The following ZNF577 variants were observed in gnomAD, a reference collection of about 807,000 sequenced individuals.
ZNF577 encodes zinc finger protein 577.
In ZNF577, 14 loss-of-function variants were observed where a neutral mutation model predicts 13.9. The observed-to-expected ratio is 1.00, with a 90% CI of 0.66 to 1.57. ZNF577 has a LOEUF of 1.57. Among genes scored for constraint, ZNF577 ranks in the 40% most tolerant of loss-of-function variants. The pLI is 0.00. For synonymous variants in ZNF577, 203 were observed against 202.9 expected, an observed-to-expected ratio of 1.00 and a Z score of 0.00; for missense variants, 555 against 579.2, an observed-to-expected ratio of 0.96 and a Z score of 0.43.
chr19:51,807,465 A>G (rs2084067630), intron 10 of ZNF577, among the ~76,000 whole-genome samples: 1 of 152,176 alleles, frequency 6.6e-6, no homozygotes, highest in South Asian at 2.1e-4. Context: ...GTCACGTCCC[A>G]TGGGCCTTCG....
intron 9 of ZNF577, among the ~76,000 whole-genome samples, chr19:51,837,058 AAG>A (rs1407870949): frequency 0.019 from 2,750 of 141,606 alleles, 122 homozygotes; most frequent in African/African-American, 0.07. Context: ...AAAAAAAAAA[AAG>A]AAAAGAAAAG....
chr19:51,841,108 G>A lies in ZNF577; in HGVS notation c.*375-991C>T, dbSNP rs147727221. ...AAGTGAAACATTCCACAGGGGGTTC[G>A]GGCTGTGAGAAACATCCTGCCTCTT... On this transcript the variant is annotated intron_variant and NMD_transcript_variant, in intron 8 of 10. Transcript: ENST00000638827. Among the ~76,000 whole-genome samples, 17 of 152,248 alleles carry A rather than the reference G, an allele frequency of 1.1e-4. No individual in the cohort carries two copies. In the East Asian group the frequency reaches 2.5e-3, roughly 22 times the overall value.
At chr19:51,859,662 C>T (rs1311684340) in intron 5 of ZNF577, among the ~76,000 whole-genome samples, 1 of 152,068 alleles carries the variant, frequency 6.6e-6, no homozygotes, top group Non-Finnish European at 1.5e-5. Flanking sequence ...AAAAATACTA[C>T]AAATGACAGC....
chr19:51,874,360 A>G (rs536556682), intron 5 of ZNF577, among the ~76,000 whole-genome samples: 1 of 152,362 alleles, frequency 6.6e-6, no homozygotes, highest in East Asian at 1.9e-4. Context: ...GAAGAACAGT[A>G]CAAAGGAAGT....
At position 51,873,391 on chromosome 19, in the gene ZNF577, T is replaced by C. The variant is rs776787312; in HGVS notation, c.599A>G (p.Gln200Arg). The change falls in exon 6 of 6, where the codon CAG (glutamine) becomes CGG (arginine). Residue 200 changes from glutamine (Q) to arginine (R), a missense_variant. Gln to Arg is a conservative substitution (Grantham distance 43). Coordinates refer to ENST00000638348, the MANE Select transcript of ZNF577 (RefSeq NM_001370449.1). ...ECGKTFMRKI[Q>R]LTEHQRTHTG... ...GTGAGTTCTCTGATGCTCAGTGAGC[T>C]GAATCTTCCTCATGAATGTTTTCCC... 2 of 1,614,248 alleles carry C rather than the reference T, an allele frequency of 1.2e-6. No homozygotes were observed. Among genetic ancestry groups the C allele is most frequent in the Non-Finnish European group, 1.7e-6 (2 of 1,180,040 alleles).
intron 9 of ZNF577, among the ~76,000 whole-genome samples, chr19:51,823,412 C>G (rs183363841): frequency 9.2e-5 from 14 of 152,236 alleles, no homozygotes; most frequent in Admixed American, 4.6e-4. Flanking sequence ...GAGTCTTGTG[C>G]CTTCCTCACG....
downstream of ZNF577, among the ~76,000 whole-genome samples, chr19:51,864,792 C>A (rs1214062360): frequency 6.6e-6 from 1 of 152,148 alleles, no homozygotes; most frequent in Admixed American, 6.5e-5. Flanking sequence ...TTGTTAAGTC[C>A]ATGAAATCGA....
Position 51,869,743 on chromosome 19 carries a change from C to T in ZNF577, c.*2789G>A, listed in dbSNP as rs1023621072. ...AAAGGCAGATGTGTGCCAGAAACCC[C>T]TACAGGGGCTAAACAGTCAAGACAC... is the stretch of plus-strand genomic sequence containing the variant. On this transcript the variant is annotated 3_prime_UTR_variant, in exon 6 of 6. Transcript: ENST00000638348. Among the ~76,000 whole-genome samples, 2 of 152,190 alleles carry T rather than the reference C, an allele frequency of 1.3e-5. No individual in the cohort carries two copies. The highest frequency in any genetic ancestry group is 2.9e-5 in the Non-Finnish European group (2 of 68,030).
At chr19:51,805,806 A>C (rs1025533980) in intron 10 of ZNF577, among the ~76,000 whole-genome samples, 11 of 152,172 alleles carry the variant, frequency 7.2e-5, no homozygotes, top group Non-Finnish European at 1.3e-4. Context: ...GATAGCAAAA[A>C]TTATCATGCC....
chr19:51,853,732 A>G (rs780944888), intron 5 of ZNF577, among the ~76,000 whole-genome samples: 10 of 152,166 alleles, frequency 6.6e-5, no homozygotes, highest in Admixed American at 2.0e-4. Context: ...TTCATTGAAA[A>G]TAAGTTTCTC....
At position 51,871,108 on chromosome 19, in the gene ZNF577, T is replaced by C. The variant is rs970900455; in HGVS notation, c.*1424A>G. On this transcript the variant is annotated 3_prime_UTR_variant, in exon 6 of 6. Transcript: ENST00000638348. ...CATAATGAAGTATGTTAGTTTCTTT[T>C]CCCCCCTTTTTTAGAGTCAGAGTCT... 6.6e-6 allele frequency among the ~76,000 whole-genome samples: 1 copy of C among 152,034 alleles called. No homozygotes were observed. The highest frequency in any genetic ancestry group is 1.9e-4 in the East Asian group (1 of 5,190).
chr19:51,832,860 C>T (rs1266952684), intron 9 of ZNF577, among the ~76,000 whole-genome samples: 2 of 151,556 alleles, frequency 1.3e-5, no homozygotes, highest in Non-Finnish European at 2.9e-5. Context: ...GATCTATTTC[C>T]GGACTCTATT....
intron 5 of ZNF577, among the ~76,000 whole-genome samples, chr19:51,857,213 C>T (rs948023008): frequency 1.3e-4 from 20 of 151,978 alleles, no homozygotes; most frequent in Non-Finnish European, 1.5e-4. Flanking sequence ...GCAGGAGAAT[C>T]GCTTGAACCC....
chr19:51,824,912 C>T lies in ZNF577; in HGVS notation c.*600-13238G>A, dbSNP rs1017627910. Reference sequence around the variant, plus strand: ...TTCCTCTTTCATACCACCACCACCACAATCATCAACATAAAGGAAGTCTGT... The same window carrying T: ...TTCCTCTTTCATACCACCACCACCATAATCATCAACATAAAGGAAGTCTGT... On this transcript the variant is annotated intron_variant and NMD_transcript_variant, in intron 9 of 10. Transcript: ENST00000638827. This position sits in a 1 kb window ranked among gnomAD's most constrained non-coding sequence, Gnocchi z 4.7. The T allele has an allele frequency of 2.3e-6, 2 of 876,632 alleles. No homozygotes were observed. Among genetic ancestry groups the T allele is most frequent in the Non-Finnish European group, 1.7e-6 (1 of 572,570 alleles). 54.3% of individuals were successfully genotyped at this position (876,632 alleles called of 1,614,324 possible).
In ZNF577 at chr19:51,824,803, C is replaced by T; in HGVS notation, c.*600-13129G>A. ...CCTCCTGAGGAGACGGAGTTACAAG[C>T]AATGTGAGGTCGGGGATATTTTTGG... is the stretch of plus-strand genomic sequence containing the variant. On this transcript the variant is annotated intron_variant and NMD_transcript_variant, in intron 9 of 10. Coordinates refer to the ZNF577 transcript ENST00000638827. This position sits in a 1 kb window ranked among gnomAD's most constrained non-coding sequence, Gnocchi z 4.7. The T allele has an allele frequency of 1.2e-6, 2 of 1,607,304 alleles. No homozygotes were observed. Among genetic ancestry groups the T allele is most frequent in the Non-Finnish European group, 1.7e-6 (2 of 1,175,960 alleles).
At chr19:51,857,934 T>C (rs1043563504) in intron 5 of ZNF577, among the ~76,000 whole-genome samples, 1 of 152,178 alleles carries the variant, frequency 6.6e-6, no homozygotes, top group African/African-American at 2.4e-5. Flanking sequence ...GATCCACCTG[T>C]AATCCCAAAG....
chr19:51,861,435 ATTC>A (rs1361166942), intron 5 of ZNF577: 2 of 153,204 alleles, frequency 1.3e-5, no homozygotes, highest in Non-Finnish European at 2.9e-5. Flanking sequence ...CTGGCCAATG[ATTC>A]TTCTTGTGAG....
intron 5 of ZNF577, among the ~76,000 whole-genome samples, chr19:51,846,801 A>G: frequency 6.6e-6 from 1 of 151,880 alleles, no homozygotes; most frequent in East Asian, 1.9e-4. Context: ...TCTCACCAAA[A>G]CTCATCCCAC....
chr19:51,812,054 A>G (rs767788378), intron 9 of ZNF577, among the ~76,000 whole-genome samples: 3 of 152,216 alleles, frequency 2.0e-5, no homozygotes, highest in Admixed American at 6.5e-5. Flanking sequence ...TAAATTACCC[A>G]TAGTCATACC....
Sources: gnomAD v4.1 joint callset for allele counts (sites outside exome capture counted in the v4.1 genomes callset) on GRCh38, gnomAD v4.1.1 for gene constraint, Gnocchi (gnomAD v3.1) non-coding constraint, MANE v1.5 for transcripts, NCBI Gene and HGNC (gene_info 2026-07-23, HGNC 2026-07-21) for gene names.